CDH12: variants seen among roughly 807,000 people sequenced by gnomAD.
CDH12 encodes cadherin-12.
A neutral mutation model predicts 74.1 loss-of-function variants in CDH12; 41 were observed. The observed-to-expected ratio is 0.55, with a 90% CI of 0.43 to 0.72. The LOEUF is 0.72. Among genes scored for constraint, CDH12 ranks in the 30% least tolerant of loss-of-function variants. The pLI is 0.00. For synonymous variants in CDH12, 399 were observed against 355.0 expected (o/e 1.12, Z -1.39); for missense variants, 945 against 977.2 (o/e 0.97, Z 0.44).
chr5:22,160,086 C>G (rs1415974917), intron 4 of CDH12, among the ~76,000 whole-genome samples: 1 of 152,128 alleles, frequency 6.6e-6, no homozygotes, highest in East Asian at 1.9e-4. Flanking sequence ...TCTGTTCTGG[C>G]TCAAATGGGT....
At chr5:22,763,111 G>A (rs1233348285) in intron 1 of CDH12, among the ~76,000 whole-genome samples, 1 of 151,982 alleles carries the variant, frequency 6.6e-6, no homozygotes, top group Non-Finnish European at 1.5e-5. Flanking sequence ...TTGTTTTGGA[G>A]AGTTAAAATT....
chr5:22,413,805 T>C (rs1156586165), intron 2 of CDH12, among the ~76,000 whole-genome samples: 2 of 152,064 alleles, frequency 1.3e-5, no homozygotes, highest in African/African-American at 4.8e-5. Context: ...AATTTGTTAA[T>C]TTTTCTCAGA....
At chr5:22,498,821 T>A (rs925119863) in intron 2 of CDH12, among the ~76,000 whole-genome samples, 1 of 151,066 alleles carries the variant, frequency 6.6e-6, no homozygotes, top group Non-Finnish European at 1.5e-5. Context: ...ATTTAATAAT[T>A]ATTACTAAAA....
intron 6 of CDH12, among the ~76,000 whole-genome samples, chr5:21,895,374 C>A (rs552432721): frequency 2.6e-5 from 4 of 152,180 alleles, no homozygotes; most frequent in African/African-American, 9.7e-5. Context: ...AGTAGGCCGG[C>A]GGCCCTGGCA....
In CDH12 at chr5:21,970,036, GAAACT is replaced by G. The variant is rs968470226; in HGVS notation, c.526+5050_526+5054del. ...AATATGAACCTGTTTCAGATTAAAG[GAAACT>G]AAACAGACCTAACATTTTAATACAA... On this transcript the variant is annotated intron_variant, in intron 6 of 14. Transcript: ENST00000382254. Among the ~76,000 whole-genome samples the G allele has an allele frequency of 1.2e-3, 180 of 151,826 alleles. 1 individual carries two copies. Among genetic ancestry groups the G allele is most frequent in the African/African-American group, 4.1e-3 (168 of 41,418 alleles).
intron 2 of CDH12, among the ~76,000 whole-genome samples, chr5:22,492,152 A>G (rs918189875): frequency 2.6e-5 from 4 of 152,138 alleles, no homozygotes; most frequent in Non-Finnish European, 5.9e-5. Flanking sequence ...TGGCAGAAGC[A>G]CAGATAACAG....
intron 3 of CDH12, among the ~76,000 whole-genome samples, chr5:22,335,623 T>C (rs1739548533): frequency 6.8e-6 from 1 of 147,944 alleles, no homozygotes; most frequent in African/African-American, 2.5e-5. Flanking sequence ...CAAGGGGGAG[T>C]TTCCCTGCAC....
chr5:22,423,128 T>G (rs1743727988), intron 2 of CDH12, among the ~76,000 whole-genome samples: 1 of 151,186 alleles, frequency 6.6e-6, no homozygotes, highest in Non-Finnish European at 1.5e-5. Flanking sequence ...ATACCCTTGG[T>G]GGAGGTTATC....
intron 1 of CDH12, among the ~76,000 whole-genome samples, chr5:22,619,226 A>C (rs1033670240): frequency 6.6e-6 from 1 of 152,052 alleles, no homozygotes; most frequent in African/African-American, 2.4e-5. Flanking sequence ...TTTTGGGGTG[A>C]ACAAAGGTCG....
intron 6 of CDH12, among the ~76,000 whole-genome samples, chr5:21,857,599 T>C (rs1440598472): frequency 2.0e-5 from 3 of 151,852 alleles, no homozygotes; most frequent in African/African-American, 7.2e-5. Context: ...TATAAAACTA[T>C]GATAAAGCAA....
chr5:22,791,622 G>T (rs970321288), intron 1 of CDH12, among the ~76,000 whole-genome samples: 1 of 152,102 alleles, frequency 6.6e-6, no homozygotes, highest in Non-Finnish European at 1.5e-5. Flanking sequence ...ACATACCTGA[G>T]ATTGGGTAAT....
chr5:22,727,100 G>T (rs1219305875), intron 1 of CDH12, among the ~76,000 whole-genome samples: 3 of 151,692 alleles, frequency 2.0e-5, no homozygotes, highest in African/African-American at 7.3e-5. Context: ...TTTATTAGCT[G>T]AATTATGAAC....
chr5:21,855,573 AACAAAGTGT>A (rs35093839), intron 6 of CDH12, among the ~76,000 whole-genome samples: 95,174 of 150,788 alleles, frequency 0.63, 34,255 homozygotes, highest in East Asian at 0.79. Context: ...CTGAGTTCAG[AACAAAGTGT>A]AATCAAAAGT....
chr5:22,240,292 C>T (rs1451145250), intron 3 of CDH12, among the ~76,000 whole-genome samples: 1 of 152,142 alleles, frequency 6.6e-6, no homozygotes, highest in Non-Finnish European at 1.5e-5. Context: ...ATACTGCTTT[C>T]ATATCACAAA....
chr5:22,850,459 A>G (rs1320567826), intron 1 of CDH12, among the ~76,000 whole-genome samples: 1 of 152,096 alleles, frequency 6.6e-6, no homozygotes, highest in Non-Finnish European at 1.5e-5. Flanking sequence ...TTATTTAACA[A>G]TTAAATGTAT....
Position 22,405,287 on chromosome 5 carries a change from G to A in CDH12, c.-363C>T. ...AGAGGCAATTTATTTTCTAAGGCCA[G>A]CTTATGTATCTCAAATTGTTTTGAC... On this transcript the variant is annotated 5_prime_UTR_variant, in exon 3 of 15. Coordinates refer to ENST00000382254, the MANE Select transcript of CDH12 (RefSeq NM_004061.5). The A allele has an allele frequency of 1.0e-6, 1 of 975,612 alleles. No individual in the cohort carries two copies. The highest frequency in any genetic ancestry group is 4.7e-5 in the South Asian group (1 of 21,090). The allele number at this position is 975,612 out of a possible 1,614,324, so 60.4% of individuals were successfully genotyped here.
intron 5 of CDH12, among the ~76,000 whole-genome samples, chr5:21,982,833 T>C (rs1757367943): frequency 6.6e-6 from 1 of 152,168 alleles, no homozygotes; most frequent in Non-Finnish European, 1.5e-5. Context: ...TAATTTGTAT[T>C]TCCTATGTAA....
intron 4 of CDH12, among the ~76,000 whole-genome samples, chr5:22,185,259 T>A (rs1407831740): frequency 2.0e-5 from 3 of 148,910 alleles, no homozygotes; most frequent in Non-Finnish European, 4.4e-5. Context: ...CGTGCAGTGG[T>A]GCAATCTTGG....
intron 2 of CDH12, among the ~76,000 whole-genome samples, chr5:22,494,789 T>C (rs544565219): frequency 6.6e-6 from 1 of 152,278 alleles, no homozygotes; most frequent in African/African-American, 2.4e-5. Context: ...ACAAGGTTAG[T>C]GCAAGTTTAT....
Sources: allele counts gnomAD v4.1 joint callset (sites outside exome capture counted in the v4.1 genomes callset), GRCh38; gene constraint gnomAD v4.1.1; transcripts MANE v1.5; gene names NCBI Gene and HGNC (gene_info 2026-07-23, HGNC 2026-07-21).